Variants in AP1S3 observed in about 807,000 individuals in gnomAD.
The protein encoded by AP1S3 is adaptor related protein complex 1 subunit sigma 3.
In AP1S3, 10 loss-of-function variants were observed where a neutral mutation model predicts 20.9. The ratio of observed to expected loss-of-function variants is 0.48; its 90% CI spans 0.29 to 0.81. AP1S3 has a LOEUF of 0.81. Among genes scored for constraint, AP1S3 ranks in the 30% least tolerant of loss-of-function variants. The probability of loss-of-function intolerance (pLI) is 0.08; values close to 1 mark genes in which losing one functional copy is unlikely to be tolerated. For synonymous variants in AP1S3, 41 were observed against 61.5 expected (o/e 0.67, Z 1.56); for missense variants, 154 against 183.8 (o/e 0.84, Z 0.94).
intron 1 of AP1S3, among the ~76,000 whole-genome samples, chr2:223,812,059 T>C (rs1207531261): frequency 1.3e-5 from 2 of 152,246 alleles, no homozygotes; most frequent in Non-Finnish European, 2.9e-5. Context: ...TTCAAAATAT[T>C]GGAATCCAGA....
At chr2:223,802,341 T>C (rs1364482207) in intron 1 of AP1S3, among the ~76,000 whole-genome samples, 1 of 151,750 alleles carries the variant, frequency 6.6e-6, no homozygotes, top group Admixed American at 6.6e-5. Context: ...CTCACTGTTT[T>C]GCCCAGGCTG....
chr2:223,759,946 A>T (rs1009464046), intron 4 of AP1S3, among the ~76,000 whole-genome samples: 4 of 152,114 alleles, frequency 2.6e-5, no homozygotes, highest in African/African-American at 9.7e-5. Context: ...AAAGGACATG[A>T]TCTCATTCTT....
In AP1S3 at chr2:223,780,357, A is replaced by AGTGTGT. The variant is rs57103665; in HGVS notation, c.4-2494_4-2489dup. On this transcript the variant is annotated intron_variant, in intron 1 of 4. Transcript: ENST00000396654. The stretch of plus-strand genomic sequence containing the variant: ...GAGAGAGAGAGAGAGAGAGAGAGAG[A>AGTGTGT]GTGTGTGTGTGTGTGTGTGTGTGTG... Among the ~76,000 whole-genome samples, 32 of 44,436 alleles carry AGTGTGT rather than the reference A, an allele frequency of 7.2e-4. 1 individual carries two copies. The highest frequency in any genetic ancestry group is 2.4e-3 in the East Asian group (2 of 830). The allele number at this position is 44,436 out of a possible 152,430, so 29.2% of individuals were successfully genotyped here. A position where few individuals can be genotyped will look rare whatever the true frequency, so the allele number is the denominator to read the frequency against.
chr2:223,795,791 G>A (rs191016306), intron 1 of AP1S3, among the ~76,000 whole-genome samples: 51 of 152,264 alleles, frequency 3.3e-4, no homozygotes, highest in African/African-American at 1.0e-3. Flanking sequence ...CAGTGATGCT[G>A]GGAGAACAAA....
chr2:223,802,626 A>G (rs1691495859), intron 1 of AP1S3, among the ~76,000 whole-genome samples: 1 of 152,022 alleles, frequency 6.6e-6, no homozygotes. Context: ...AACAACTTTA[A>G]CAAATCACCG....
chr2:223,759,293 AAAAG>A (rs1356609522), intron 4 of AP1S3, among the ~76,000 whole-genome samples: 2 of 142,644 alleles, frequency 1.4e-5, no homozygotes, highest in Non-Finnish European at 1.5e-5. Context: ...ACAAAAAAAA[AAAAG>A]AGAGAGAGAG....
At chr2:223,810,532 C>G (rs1691699435) in intron 1 of AP1S3, among the ~76,000 whole-genome samples, 1 of 152,116 alleles carries the variant, frequency 6.6e-6, no homozygotes, top group Non-Finnish European at 1.5e-5. Flanking sequence ...TGGTCTCAAA[C>G]TCCTGAACTC....
intron 3 of AP1S3, among the ~76,000 whole-genome samples, chr2:223,768,331 G>A (rs905591140): frequency 1.3e-5 from 2 of 152,068 alleles, no homozygotes; most frequent in Non-Finnish European, 2.9e-5. Flanking sequence ...CAAAAGTCAG[G>A]CATGTGGCGA....
chr2:223,809,832 G>A (rs980313368), intron 1 of AP1S3, among the ~76,000 whole-genome samples: 3 of 150,602 alleles, frequency 2.0e-5, no homozygotes, highest in Admixed American at 1.3e-4. Context: ...AGGTTCAAGC[G>A]ATTCTCCTGC....
intron 1 of AP1S3, among the ~76,000 whole-genome samples, chr2:223,806,546 A>C (rs1339170324): frequency 1.3e-5 from 2 of 152,092 alleles, no homozygotes; most frequent in Non-Finnish European, 2.9e-5. Context: ...AGCCTCCCAA[A>C]GTGCTGGGAT....
chr2:223,809,885 C>T (rs28599833), intron 1 of AP1S3, among the ~76,000 whole-genome samples: 4 of 151,272 alleles, frequency 2.6e-5, no homozygotes, highest in East Asian at 4.0e-4. Context: ...CACGCCACCA[C>T]GCCCAGCTAA....
At chr2:223,778,547 A>T (rs766217211) in intron 1 of AP1S3, among the ~76,000 whole-genome samples, 1 of 152,220 alleles carries the variant, frequency 6.6e-6, no homozygotes, top group Admixed American at 6.5e-5. Flanking sequence ...AAGTGTTAAG[A>T]ACAACAGAAG....
At chr2:223,769,289 A>G (rs1000929240) in intron 3 of AP1S3, among the ~76,000 whole-genome samples, 6 of 152,200 alleles carry the variant, frequency 3.9e-5, no homozygotes, top group African/African-American at 1.4e-4. Flanking sequence ...AAAATTGATA[A>G]ATACTAAAAT....
chr2:223,777,101 C>G (rs945715347), intron 2 of AP1S3, among the ~76,000 whole-genome samples: 1 of 152,188 alleles, frequency 6.6e-6, no homozygotes, highest in Non-Finnish European at 1.5e-5. Context: ...GCCATTAGAA[C>G]AATGCCAGGA....
chr2:223,784,612 C>T (rs964522722), intron 1 of AP1S3, among the ~76,000 whole-genome samples: 1 of 152,152 alleles, frequency 6.6e-6, no homozygotes, highest in African/African-American at 2.4e-5. Flanking sequence ...CCACCCACCC[C>T]CAGACCTCCA....
chr2:223,813,889 T>C (rs1691789277), intron 1 of AP1S3, among the ~76,000 whole-genome samples: 1 of 152,182 alleles, frequency 6.6e-6, no homozygotes, highest in African/African-American at 2.4e-5. Flanking sequence ...AGACGTCCTT[T>C]ATACATCAAT....
intron 1 of AP1S3, among the ~76,000 whole-genome samples, chr2:223,814,771 T>C (rs1691806971): frequency 6.6e-6 from 1 of 152,124 alleles, no homozygotes; most frequent in Non-Finnish European, 1.5e-5. Flanking sequence ...TAAGACTCAA[T>C]GTTTATTTAT....
intron 1 of AP1S3, among the ~76,000 whole-genome samples, chr2:223,797,604 A>G (rs1272532324): frequency 6.6e-6 from 1 of 152,048 alleles, no homozygotes; most frequent in Non-Finnish European, 1.5e-5. Flanking sequence ...TCTACTAAAA[A>G]TACAAAAATT....
chr2:223,783,631 G>A (rs1691007796), intron 1 of AP1S3, among the ~76,000 whole-genome samples: 1 of 152,192 alleles, frequency 6.6e-6, no homozygotes, highest in Admixed American at 6.5e-5. Flanking sequence ...TTCCTTCTAG[G>A]TGAAGAGGAA....
Sources: gnomAD v4.1 joint callset for allele counts (sites outside exome capture counted in the v4.1 genomes callset) on GRCh38, gnomAD v4.1.1 for gene constraint, MANE v1.5 for transcripts, NCBI Gene and HGNC (gene_info 2026-07-23, HGNC 2026-07-21) for gene names.